Variants in LYSMD2 observed in about 807,000 individuals in gnomAD.
LYSMD2 encodes the protein lysM and putative peptidoglycan-binding domain-containing protein 2.
A neutral mutation model predicts 17.7 loss-of-function variants in LYSMD2; 6 were observed. The observed-to-expected ratio is 0.34, with a 90% confidence interval of 0.19 to 0.67. LYSMD2 has a LOEUF of 0.67. LYSMD2 is among the 30% of genes least tolerant of loss of function. The probability of loss-of-function intolerance (pLI) is 0.69; values close to 1 mark genes in which losing one functional copy is unlikely to be tolerated. For synonymous variants in LYSMD2, 102 were observed against 129.8 expected, an observed-to-expected ratio of 0.79 and a Z score of 1.45; for missense variants, 237 against 286.7, an observed-to-expected ratio of 0.83 and a Z score of 1.25.
Position 51,723,631 on chromosome 15 carries a change from A to G in LYSMD2, c.624T>C (p.Tyr208=), listed in dbSNP as rs577158358. ...CCTAACTGTGATAGAGGGAAGTTGCATAGGGACTTTCTTCATCTCTGAAAG... is the reference window on the plus strand; with the variant it reads ...CCTAACTGTGATAGAGGGAAGTTGCGTAGGGACTTTCTTCATCTCTGAAAG... ...KEESRDEESP[Y]ATSLYHS Residue 208 remains tyrosine, a synonymous_variant, in exon 3 of 3, where the codon TAT becomes TAC. Coordinates refer to ENST00000267838, the MANE Select transcript of LYSMD2 (RefSeq NM_153374.3). 6.2e-6 allele frequency: 10 copies of G among 1,606,122 alleles called. No homozygotes were observed. In the South Asian group the frequency reaches 8.9e-5, roughly 14 times the overall value.
upstream of LYSMD2, among the ~76,000 whole-genome samples, chr15:51,740,522 A>G (rs1169009873): frequency 6.6e-6 from 1 of 152,250 alleles, no homozygotes; most frequent in Non-Finnish European, 1.5e-5. Context: ...TAAAAAGAAG[A>G]AAAGGAAATG....
chr15:51,738,037 GCGAAAA>G (rs548008260), upstream of LYSMD2: 1 of 154,040 alleles, frequency 6.5e-6, no homozygotes, highest in Admixed American at 6.5e-5. Context: ...CCTGGCCACG[GCGAAAA>G]AAAAAAAAAG....
chr15:51,736,826 A>C (rs2055612161), intron 1 of LYSMD2, among the ~76,000 whole-genome samples: 1 of 152,192 alleles, frequency 6.6e-6, no homozygotes, highest in Non-Finnish European at 1.5e-5. Flanking sequence ...CAGAGGGTGT[A>C]ATTTCACTTC....
chr15:51,740,474 A>T (rs1326316289), upstream of LYSMD2, among the ~76,000 whole-genome samples: 1 of 152,258 alleles, frequency 6.6e-6, no homozygotes, highest in Non-Finnish European at 1.5e-5. Flanking sequence ...TACTGCCTCT[A>T]TTTAACATTG....
At chr15:51,748,109 A>G (rs1455639803) in intron 1 of LYSMD2, among the ~76,000 whole-genome samples, 1 of 152,002 alleles carries the variant, frequency 6.6e-6, no homozygotes, top group Non-Finnish European at 1.5e-5. Context: ...CGTCTCTACT[A>G]AAATACAAAG....
At chr15:51,740,263 CTGTTTTTT>C (rs770739741), upstream of LYSMD2, among the ~76,000 whole-genome samples, 46 of 152,196 alleles carry the variant, frequency 3.0e-4, no homozygotes, top group Admixed American at 5.9e-4. Context: ...CTGGCCAGGC[CTGTTTTTT>C]TGTTTTTTTG....
intron 2 of LYSMD2, among the ~76,000 whole-genome samples, chr15:51,724,138 T>C (rs2055520759): frequency 6.6e-6 from 1 of 151,900 alleles, no homozygotes; most frequent in Non-Finnish European, 1.5e-5. Flanking sequence ...AGCTTCCCAA[T>C]AGCCAGAGCA....
chr15:51,729,408 A>G (rs550394685), intron 1 of LYSMD2, among the ~76,000 whole-genome samples: 5 of 152,348 alleles, frequency 3.3e-5, no homozygotes, highest in Admixed American at 3.3e-4. Flanking sequence ...AAACTGAAAA[A>G]TACAAAATGG....
At chr15:51,748,076 T>A (rs2055677077) in intron 1 of LYSMD2, among the ~76,000 whole-genome samples, 1 of 151,890 alleles carries the variant, frequency 6.6e-6, no homozygotes, top group African/African-American at 2.4e-5. Context: ...ATCGACACCA[T>A]CCTGGTCAAC....
chr15:51,737,710 C>T, upstream of LYSMD2: 4 of 989,354 alleles, frequency 4.0e-6, no homozygotes, highest in Non-Finnish European at 5.1e-6. The surrounding 1 kb of genome is among the most constrained non-coding windows in gnomAD (Gnocchi z 4.2). Context: ...TCTTCCTCTT[C>T]ACAGGGGCTG....
intron 1 of LYSMD2, among the ~76,000 whole-genome samples, chr15:51,733,375 T>G (rs1056323944): frequency 1.3e-5 from 2 of 151,746 alleles, no homozygotes; most frequent in African/African-American, 4.8e-5. Flanking sequence ...ATAAGCTCTA[T>G]GAGGACATGG....
upstream of LYSMD2, chr15:51,737,682 T>TCCG (rs531804733): frequency 0.013 from 14,953 of 1,111,402 alleles, 235 homozygotes; most frequent in Middle Eastern, 0.046. The surrounding 1 kb of genome is among the most constrained non-coding windows in gnomAD (Gnocchi z 4.2). Flanking sequence ...CTCCTCCTCC[T>TCCG]CCGCCGCCGC....
At chr15:51,735,688 T>C (rs564798710) in intron 1 of LYSMD2, among the ~76,000 whole-genome samples, 1 of 152,372 alleles carries the variant, frequency 6.6e-6, no homozygotes, top group South Asian at 2.1e-4. Context: ...ATAGGATCTA[T>C]ATTAGACATA....
rs750646699 is a variant in LYSMD2 at position 51,723,667 on chromosome 15, C to T, written c.606-18G>A. 1 of 1,577,968 alleles carries T rather than the reference C, an allele frequency of 6.3e-7. No individual in the cohort carries two copies. On this transcript the variant is annotated intron_variant, in intron 2 of 2. Coordinates refer to ENST00000267838, the MANE Select transcript of LYSMD2 (RefSeq NM_153374.3). ...CTTCATCTCTGAAAGAAAATAAATA[C>T]AGCATAAATCAGAGTTTAGAACTGT...
chr15:51,739,604 A>G (rs1350173), upstream of LYSMD2, among the ~76,000 whole-genome samples: 11,002 of 152,224 alleles, frequency 0.072, 486 homozygotes, highest in East Asian at 0.16. Flanking sequence ...TTTTCCACTA[A>G]GAAAAAGTTT....
At chr15:51,746,442 T>C (rs1264280409) in intron 1 of LYSMD2, among the ~76,000 whole-genome samples, 1 of 152,110 alleles carries the variant, frequency 6.6e-6, no homozygotes, top group Non-Finnish European at 1.5e-5. Flanking sequence ...ATTGCCAGAG[T>C]CTGGGTGTGT....
rs951880950 is a variant in LYSMD2, at chr15:51,737,201, A to AGCCGC, written c.273+144_273+148dup. 6.2e-6 allele frequency: 5 copies of AGCCGC among 806,520 alleles called. No homozygotes were observed. The African/African-American group carries it at 9.0e-5, about 15-fold the overall frequency. The allele number at this position is 806,520 out of a possible 1,614,324, so 50.0% of individuals were successfully genotyped here. ...CGCGCTGAGCGAGCCCTGGGAGCCG[A>AGCCGC]GCCGCCCGGGGACGCACGGCCGTCC... On this transcript the variant is annotated intron_variant, in intron 1 of 2. Transcript: ENST00000267838. The surrounding 1 kb of genome is among the most constrained non-coding windows in gnomAD (Gnocchi z 4.2).
chr15:51,729,236 T>G (rs958856267), intron 1 of LYSMD2, among the ~76,000 whole-genome samples: 1 of 152,170 alleles, frequency 6.6e-6, no homozygotes, highest in African/African-American at 2.4e-5. Context: ...GGGCCTTGGG[T>G]GCCAAGTTAA....
chr15:51,730,767 C>A (rs1422643463), intron 1 of LYSMD2, among the ~76,000 whole-genome samples: 2 of 152,176 alleles, frequency 1.3e-5, no homozygotes, highest in Non-Finnish European at 2.9e-5. Flanking sequence ...ATAACATGTA[C>A]ATAGCACTGT....
Sources: gnomAD v4.1 joint callset for allele counts (sites outside exome capture counted in the v4.1 genomes callset) on GRCh38, gnomAD v4.1.1 for gene constraint, Gnocchi (gnomAD v3.1) non-coding constraint, MANE v1.5 for transcripts, NCBI Gene and HGNC (gene_info 2026-07-23, HGNC 2026-07-21) for gene names.